CSMD1: variants seen among roughly 807,000 people sequenced by gnomAD.
CSMD1 encodes the protein CUB and sushi domain-containing protein 1.
Under a neutral mutation model 417.5 loss-of-function variants are expected in CSMD1, and 213 were observed. The ratio of observed to expected loss-of-function variants is 0.51; its 90% confidence interval spans 0.46 to 0.57. CSMD1 has a LOEUF of 0.57. Among genes scored for constraint, CSMD1 ranks in the 20% least tolerant of loss-of-function variants. The pLI, the probability that CSMD1 is intolerant of heterozygous loss-of-function variation, is 0.00. For missense variants in CSMD1, 6,923 were observed against 4,529.7 expected (o/e 1.53, Z -15.17); for synonymous variants, 2,862 against 1,736.8 (o/e 1.65, Z -16.11).
intron 10 of CSMD1, among the ~76,000 whole-genome samples, chr8:3,511,682 G>A (rs998906781): frequency 1.3e-5 from 2 of 149,260 alleles, no homozygotes; most frequent in African/African-American, 5.2e-5. Flanking sequence ...CCCTTGAACT[G>A]GGGCGGTGGA....
intron 3 of CSMD1, among the ~76,000 whole-genome samples, chr8:4,366,574 A>G (rs1202172167): frequency 2.0e-5 from 3 of 152,146 alleles, no homozygotes; most frequent in Non-Finnish European, 4.4e-5. Context: ...TTTTTTCTGC[A>G]AATTCACCAG....
intron 10 of CSMD1, among the ~76,000 whole-genome samples, chr8:3,529,921 G>A (rs1304145246): frequency 6.6e-6 from 1 of 152,166 alleles, no homozygotes; most frequent in Non-Finnish European, 1.5e-5. Flanking sequence ...TCTAGTCATA[G>A]AATCAACATT....
intron 5 of CSMD1, among the ~76,000 whole-genome samples, chr8:3,877,818 A>G (rs1385069466): frequency 2.0e-5 from 3 of 152,212 alleles, no homozygotes; most frequent in African/African-American, 7.2e-5. Context: ...TGGAGATTGT[A>G]TATTTATAGA....
intron 1 of CSMD1, among the ~76,000 whole-genome samples, chr8:4,749,055 C>CCTGT (rs1811141345): frequency 9.5e-6 from 1 of 105,002 alleles, no homozygotes. Flanking sequence ...TGCCTGTGTG[C>CCTGT]GTGTGTGTGT....
At chr8:3,400,399 T>C (rs1811965998) in intron 15 of CSMD1, among the ~76,000 whole-genome samples, 1 of 152,188 alleles carries the variant, frequency 6.6e-6, no homozygotes, top group South Asian at 2.1e-4. Context: ...TTTATTTTAT[T>C]TAAAAATGGC....
At chr8:3,859,852 G>A (rs376143206) in intron 5 of CSMD1, among the ~76,000 whole-genome samples, 5 of 152,190 alleles carry the variant, frequency 3.3e-5, no homozygotes, top group African/African-American at 1.2e-4. Context: ...AAGCCTCCTG[G>A]GTACAGCCTC....
intron 3 of CSMD1, among the ~76,000 whole-genome samples, chr8:4,244,386 T>TA (rs1386049247): frequency 7.9e-5 from 12 of 152,226 alleles, no homozygotes; most frequent in Admixed American, 7.9e-4. Flanking sequence ...CGGATGTTTT[T>TA]ATGTTAATAG....
At chr8:4,018,275 GTCTA>G (rs1318224817) in intron 4 of CSMD1, among the ~76,000 whole-genome samples, 4 of 152,022 alleles carry the variant, frequency 2.6e-5, no homozygotes, top group Non-Finnish European at 5.9e-5. Flanking sequence ...GTGTTTGAGA[GTCTA>G]TCTTTTGGGA....
intron 3 of CSMD1, among the ~76,000 whole-genome samples, chr8:4,184,105 T>G (rs1246250063): frequency 1.3e-5 from 2 of 152,228 alleles, no homozygotes; most frequent in East Asian, 1.9e-4. Flanking sequence ...ATTTTAGGAA[T>G]GTTAACTATA....
At chr8:4,722,653 A>G (rs1428614949) in intron 1 of CSMD1, among the ~76,000 whole-genome samples, 1 of 152,030 alleles carries the variant, frequency 6.6e-6, no homozygotes, top group Non-Finnish European at 1.5e-5. Context: ...TCAGCATCTC[A>G]TTACTATCCT....
intron 3 of CSMD1, among the ~76,000 whole-genome samples, chr8:4,125,431 C>T (rs2407301): frequency 0.24 from 36,744 of 152,180 alleles, 4,578 homozygotes; most frequent in East Asian, 0.41. Context: ...CATCTTTCAT[C>T]TGTTGCTTGA....
intron 3 of CSMD1, among the ~76,000 whole-genome samples, chr8:4,385,698 GTAT>G: frequency 6.6e-6 from 1 of 152,052 alleles, no homozygotes. Context: ...TAGTAATATA[GTAT>G]TTTTATAGAG....
chr8:3,632,316 C>T (rs1381022004), intron 7 of CSMD1, among the ~76,000 whole-genome samples: 1 of 152,006 alleles, frequency 6.6e-6, no homozygotes, highest in South Asian at 2.1e-4. Flanking sequence ...GGTAAAGCCC[C>T]GTTCGCCTTC....
At chr8:3,302,575 T>G (rs1296413829) in intron 25 of CSMD1, among the ~76,000 whole-genome samples, 1 of 152,220 alleles carries the variant, frequency 6.6e-6, no homozygotes, top group Non-Finnish European at 1.5e-5. Context: ...AGACATCAAG[T>G]GCACTGATCA....
intron 10 of CSMD1, among the ~76,000 whole-genome samples, chr8:3,529,894 T>C (rs1797906503): frequency 6.6e-6 from 1 of 152,216 alleles, no homozygotes; most frequent in East Asian, 1.9e-4. Context: ...AAGCTGCTTA[T>C]GGAAAGCCGA....
chr8:4,899,358 CA>C (rs1804714945), intron 1 of CSMD1, among the ~76,000 whole-genome samples: 2 of 151,716 alleles, frequency 1.3e-5, no homozygotes, highest in South Asian at 4.2e-4. Context: ...GTGAGCCACT[CA>C]AAATAAAGAT....
At chr8:3,544,544 T>C (rs1049558102) in intron 10 of CSMD1, among the ~76,000 whole-genome samples, 3 of 152,030 alleles carry the variant, frequency 2.0e-5, no homozygotes, top group African/African-American at 7.2e-5. Context: ...TCGCCCTGAA[T>C]TGTTTCTTGC....
intron 59 of CSMD1, among the ~76,000 whole-genome samples, chr8:2,965,095 C>T (rs1289682351): frequency 5.3e-5 from 8 of 152,122 alleles, no homozygotes; most frequent in African/African-American, 1.9e-4. Context: ...TTCTTCTTTG[C>T]TTCTGGTAAA....
chr8:4,192,608 C>A (rs535732544), intron 3 of CSMD1, among the ~76,000 whole-genome samples: 13 of 152,292 alleles, frequency 8.5e-5, no homozygotes, highest in African/African-American at 2.9e-4. Context: ...ATAATGAGAA[C>A]AGGTTGGGCC....
Sources: allele counts gnomAD v4.1 joint callset (sites outside exome capture counted in the v4.1 genomes callset), GRCh38; gene constraint gnomAD v4.1.1; transcripts MANE v1.5; gene names NCBI Gene and HGNC (gene_info 2026-07-23, HGNC 2026-07-21).